The following EIF2AK2 variants were observed in gnomAD, a reference collection of about 807,000 sequenced individuals.
EIF2AK2 encodes eukaryotic translation initiation factor 2 alpha kinase 2, also known as interferon-induced, double-stranded RNA-activated protein kinase.
Under a neutral mutation model 70.5 loss-of-function variants are expected in EIF2AK2, and 40 were observed. The observed-to-expected ratio is 0.57, with a 90% confidence interval of 0.44 to 0.74. EIF2AK2 has a LOEUF of 0.74. Ranked by LOEUF, EIF2AK2 falls within the 30% of genes least tolerant of loss-of-function variation. EIF2AK2 has a pLI of 0.00. For synonymous variants in EIF2AK2, 198 were observed against 220.9 expected (o/e 0.90, Z 0.92); for missense variants, 555 against 644.3 (o/e 0.86, Z 1.50).
chr2:37,114,038 C>G (rs753347709), intron 14 of EIF2AK2, among the ~76,000 whole-genome samples: 2 of 152,020 alleles, frequency 1.3e-5, no homozygotes, highest in Non-Finnish European at 2.9e-5. Context: ...TGTAAACAAC[C>G]TAAAGAAATA....
chr2:37,123,329 C>T (rs1313068447), intron 11 of EIF2AK2, among the ~76,000 whole-genome samples: 2 of 151,716 alleles, frequency 1.3e-5, no homozygotes, highest in Non-Finnish European at 2.9e-5. Context: ...TGCAGTGGCA[C>T]AATCTTGGCT....
In EIF2AK2 at chr2:37,107,507, A is replaced by C; in HGVS notation, c.1500T>G (p.Asp500Glu). Residue 500 changes from aspartate (D) to glutamate (E), a missense_variant, in exon 16 of 17, where the codon GAT (aspartate) becomes GAG (glutamate). Coordinates refer to ENST00000233057, the MANE Select transcript of EIF2AK2 (RefSeq NM_001135651.3). ...ETSKFFTDLR[D>E]GIISDIFDKK... ...TATCAAATATATCTGAGATGATGCCATCCCGTAGGTCTGTGAAAAACTGGA... is the reference window on the plus strand; with the variant it reads ...TATCAAATATATCTGAGATGATGCCCTCCCGTAGGTCTGTGAAAAACTGGA... 4.3e-6 allele frequency: 7 copies of C among 1,612,696 alleles called. No individual in the cohort carries two copies. The highest frequency in any genetic ancestry group is 5.9e-6 in the Non-Finnish European group (7 of 1,179,706).
intron 4 of EIF2AK2, among the ~76,000 whole-genome samples, chr2:37,142,998 G>T (rs769895732): frequency 6.6e-6 from 1 of 152,160 alleles, no homozygotes; most frequent in Non-Finnish European, 1.5e-5. Flanking sequence ...GGAGACCAAA[G>T]CGAGTGGATC....
At chr2:37,137,063 T>C in intron 8 of EIF2AK2, 46 bp from the exon 9 acceptor site, 1 of 1,528,796 alleles carries the variant, frequency 6.5e-7, no homozygotes, top group Non-Finnish European at 8.9e-7. Context: ...ACTAAATCAG[T>C]CATCTTCCTT....
In EIF2AK2 at chr2:37,114,724, A is replaced by C; in HGVS notation, c.1377+7T>G. The C allele has an allele frequency of 1.9e-6, 3 of 1,548,230 alleles. No individual in the cohort carries two copies. Among genetic ancestry groups the C allele is most frequent in the Middle Eastern group, 3.5e-4 (2 of 5,764 alleles). ...TAAAATATAGACAGACAGGAAAGAGACCTTACCTGTTCTGGGCTCATGTAT... is the reference window on the plus strand; with the variant it reads ...TAAAATATAGACAGACAGGAAAGAGCCCTTACCTGTTCTGGGCTCATGTAT... On this transcript the variant is annotated splice_region_variant and intron_variant, in intron 14 of 16. Transcript: ENST00000233057.
chr2:37,137,224 T>C (rs1361602253), intron 8 of EIF2AK2, among the ~76,000 whole-genome samples: 1 of 152,206 alleles, frequency 6.6e-6, no homozygotes, highest in South Asian at 2.1e-4. Context: ...TAGTATCTAA[T>C]TGTTTTGATT....
rs1259071852 is a variant in EIF2AK2, at chr2:37,136,118, T to A, written c.723-572A>T. 2.0e-5 allele frequency among the ~76,000 whole-genome samples: 3 copies of A among 152,200 alleles called. No individual in the cohort carries two copies. The East Asian group carries it at 5.8e-4, about 29-fold the overall frequency. The stretch of plus-strand genomic sequence containing the variant: ...TCTCCTTACACCCTCATCCTAGCTG[T>A]TATTCCTTACTGATGATAAGCCACC... On this transcript the variant is annotated intron_variant, in intron 9 of 16. Coordinates refer to ENST00000233057, the MANE Select transcript of EIF2AK2 (RefSeq NM_001135651.3).
At position 37,147,759 on chromosome 2, in the gene EIF2AK2, T is replaced by C. The variant is rs1455893321; in HGVS notation, c.48A>G (p.Thr16=). The change falls in exon 3 of 17, where the codon ACA becomes ACG. Residue 16 remains threonine (T), a synonymous_variant. Transcript: ENST00000233057. ...GTACTACTCCCTGCTTCTGACGGTA[T>C]GTATTAAGTTCCTCCATGAAGAAAC... The part of the protein sequence containing the change: ...SAGFFMEELN[T]YRQKQGVVLK... 1.2e-6 allele frequency: 2 copies of C among 1,613,662 alleles called. No homozygotes were observed. The highest frequency in any genetic ancestry group is 1.7e-5 in the Admixed American group (1 of 60,004).
At chr2:37,141,806 A>G in intron 4 of EIF2AK2, 105 bp from the exon 5 acceptor site, 1 of 1,193,308 alleles carries the variant, frequency 8.4e-7, no homozygotes, top group Non-Finnish European at 1.1e-6. Flanking sequence ...TTGAAAGACA[A>G]CTTGGATGTT....
Position 37,107,378 on chromosome 2 carries a change from T to G in EIF2AK2, c.1551A>C (p.Lys517Asn), listed in dbSNP as rs760900227. The G allele has an allele frequency of 1.9e-6, 3 of 1,613,902 alleles. No individual in the cohort carries two copies. The highest frequency in any genetic ancestry group is 2.5e-6 in the Non-Finnish European group (3 of 1,179,984). The change falls in exon 17 of 17, where the codon AAA becomes AAC. Residue 517 changes from lysine to asparagine, a missense_variant. By Grantham distance (94) the Lys-to-Asn change is moderately conservative. Transcript: ENST00000233057. ...FDKKEKTLLQ[K>N]LLSKKPEDRP... is the part of the protein sequence containing the mutation. ...GATCCTCAGGTTTCTTTGAGAGTAA[T>G]TTCTGTAGAAGAGTTTTCTGCAATG...
At chr2:37,142,831 C>T (rs569639472) in intron 4 of EIF2AK2, among the ~76,000 whole-genome samples, 1 of 152,264 alleles carries the variant, frequency 6.6e-6, no homozygotes, top group Non-Finnish European at 1.5e-5. Flanking sequence ...TTGCTGTGCA[C>T]AGCATGAAAT....
intron 4 of EIF2AK2, among the ~76,000 whole-genome samples, chr2:37,141,990 AAAC>A (rs1457825066): frequency 6.6e-6 from 1 of 152,234 alleles, no homozygotes; most frequent in African/African-American, 2.4e-5. Context: ...TAATCTCAAA[AAAC>A]AAGGCAAGAG....
intron 13 of EIF2AK2, chr2:37,115,071 G>A (rs1009032867): frequency 3.5e-5 from 7 of 201,216 alleles, no homozygotes; most frequent in African/African-American, 7.3e-5. Context: ...CTTTTGGGCC[G>A]GAGTCTCGCT....
At chr2:37,109,336 A>G in intron 14 of EIF2AK2, 41 bp from the exon 15 acceptor site, 1 of 1,563,316 alleles carries the variant, frequency 6.4e-7, no homozygotes, top group South Asian at 1.1e-5. Context: ...TATGCTCCTT[A>G]CATAAATATC....
chr2:37,145,463 G>C (rs1355880531), intron 4 of EIF2AK2, among the ~76,000 whole-genome samples: 2 of 152,200 alleles, frequency 1.3e-5, no homozygotes, highest in Admixed American at 6.5e-5. Flanking sequence ...TTTAGGCTAA[G>C]TGTTATTTGG....
At chr2:37,135,851 C>T (rs1208775502) in intron 9 of EIF2AK2, among the ~76,000 whole-genome samples, 3 of 152,172 alleles carry the variant, frequency 2.0e-5, no homozygotes, top group African/African-American at 7.2e-5. Context: ...AGTCTGGTCT[C>T]GAACTCCTGG....
intron 14 of EIF2AK2, among the ~76,000 whole-genome samples, chr2:37,111,876 AAAATATAT>A (rs1447899817): frequency 0.061 from 2,746 of 45,350 alleles, 21 homozygotes; most frequent in Non-Finnish European, 0.099. Context: ...AAAAAAAAAA[AAAATATAT>A]ATATATATAT....
At chr2:37,153,197 T>C (rs1393009216) in intron 1 of EIF2AK2, among the ~76,000 whole-genome samples, 1 of 152,146 alleles carries the variant, frequency 6.6e-6, no homozygotes, top group Non-Finnish European at 1.5e-5. Context: ...AATGTATTAA[T>C]TCCCTGCCTT....
At chr2:37,149,728 G>A (rs1177924705) in intron 1 of EIF2AK2, among the ~76,000 whole-genome samples, 1 of 152,198 alleles carries the variant, frequency 6.6e-6, no homozygotes, top group Non-Finnish European at 1.5e-5. Context: ...TTCTCTGCTA[G>A]TTCTTCAGTC....
Sources: allele counts gnomAD v4.1 joint callset (sites outside exome capture counted in the v4.1 genomes callset), GRCh38; gene constraint gnomAD v4.1.1; transcripts MANE v1.5; gene names NCBI Gene and HGNC (gene_info 2026-07-23, HGNC 2026-07-21).